The following EFCAB6 variants were observed in gnomAD, a reference collection of about 807,000 sequenced individuals.
The protein encoded by EFCAB6 is EF-hand calcium-binding domain-containing protein 6.
EFCAB6 carries 156 observed loss-of-function variants against 169.8 expected under a neutral mutation model. The observed-to-expected ratio is 0.92, with a 90% CI of 0.81 to 1.05. EFCAB6 has a LOEUF of 1.05. Among genes scored for constraint, EFCAB6 ranks in the 50% least tolerant of loss-of-function variants. The pLI is 0.00. For missense variants in EFCAB6, 1,800 were observed against 1,829.1 expected (o/e 0.98, Z 0.29); for synonymous variants, 698 against 676.4 (o/e 1.03, Z -0.50).
intron 2 of EFCAB6, among the ~76,000 whole-genome samples, chr22:43,797,909 T>C (rs1212100018): frequency 6.6e-6 from 1 of 152,208 alleles, no homozygotes; most frequent in Non-Finnish European, 1.5e-5. Context: ...TCACCTGCTG[T>C]AACCTCTACT....
At chr22:43,662,790 T>C (rs1483392596) in intron 17 of EFCAB6, among the ~76,000 whole-genome samples, 1 of 152,200 alleles carries the variant, frequency 6.6e-6, no homozygotes, top group Non-Finnish European at 1.5e-5. Context: ...TACTCCAGAA[T>C]TACACCTGGT....
rs1603298644 is a variant in EFCAB6 at position 43,735,827 on chromosome 22, C to CG, written c.644+29_644+30insC. 5.0e-6 allele frequency: 8 copies of CG among 1,608,738 alleles called. No individual in the cohort carries two copies. The East Asian group carries it at 1.8e-4, about 36-fold the overall frequency. ...GAAATTGGTTAAAAGTTCTACTGAG[C>CG]AATCTCTCACCGTGCCTTCATTTGC... On this transcript the variant is annotated intron_variant, in intron 7 of 31. Coordinates refer to ENST00000262726, the MANE Select transcript of EFCAB6 (RefSeq NM_022785.4).
At chr22:43,640,621 C>A (rs187033198) in intron 17 of EFCAB6, among the ~76,000 whole-genome samples, 1 of 152,252 alleles carries the variant, frequency 6.6e-6, no homozygotes, top group East Asian at 1.9e-4. Flanking sequence ...GTTCTTCAAG[C>A]CAGAAAGGCT....
intron 15 of EFCAB6, among the ~76,000 whole-genome samples, chr22:43,670,716 G>C (rs923816600): frequency 2.0e-5 from 3 of 152,198 alleles, no homozygotes; most frequent in African/African-American, 7.2e-5. Context: ...GAACAAACCA[G>C]AACAACGCCT....
intron 3 of EFCAB6, among the ~76,000 whole-genome samples, chr22:43,780,959 T>C (rs1285363740): frequency 1.3e-5 from 2 of 152,242 alleles, no homozygotes; most frequent in Non-Finnish European, 2.9e-5. Flanking sequence ...CAGTGCTTTG[T>C]AAGTGCGTCT....
At chr22:43,588,466 T>C (rs145078503) in intron 24 of EFCAB6, among the ~76,000 whole-genome samples, 92 of 151,628 alleles carry the variant, frequency 6.1e-4, no homozygotes, top group African/African-American at 2.0e-3. Flanking sequence ...GAAATATAAG[T>C]ATGGTAGCAG....
intron 26 of EFCAB6, among the ~76,000 whole-genome samples, chr22:43,566,828 G>C (rs2049467795): frequency 6.8e-6 from 1 of 147,890 alleles, no homozygotes; most frequent in African/African-American, 2.6e-5. Flanking sequence ...CCCACCCAGG[G>C]AGGCAAGCAA....
At chr22:43,737,751 A>G (rs544158558) in intron 6 of EFCAB6, among the ~76,000 whole-genome samples, 1 of 151,668 alleles carries the variant, frequency 6.6e-6, no homozygotes, top group South Asian at 2.1e-4. Flanking sequence ...ATGCACAGAT[A>G]CAGGCATACA....
intron 10 of EFCAB6, among the ~76,000 whole-genome samples, chr22:43,701,728 A>AG (rs2058774753): frequency 9.2e-6 from 1 of 108,894 alleles, no homozygotes. Context: ...TTTAAACAAT[A>AG]AAAAAAAAAA....
At chr22:43,616,731 C>T (rs2053714521) in intron 20 of EFCAB6, among the ~76,000 whole-genome samples, 1 of 152,120 alleles carries the variant, frequency 6.6e-6, no homozygotes, top group South Asian at 2.1e-4. Flanking sequence ...AAAAAAAGAC[C>T]CTTTGCTCAC....
chr22:43,754,013 T>C (rs1445125729), intron 6 of EFCAB6, among the ~76,000 whole-genome samples: 1 of 152,190 alleles, frequency 6.6e-6, no homozygotes, highest in Non-Finnish European at 1.5e-5. Flanking sequence ...TGTGTGACCG[T>C]TAGAAGGGTC....
chr22:43,666,393 C>T (rs1433860508), intron 17 of EFCAB6, among the ~76,000 whole-genome samples: 1 of 152,162 alleles, frequency 6.6e-6, no homozygotes, highest in African/African-American at 2.4e-5. Flanking sequence ...GTGGGGCAGG[C>T]ACCGGATGAA....
At chr22:43,539,089 G>A (rs994649717) in intron 28 of EFCAB6, among the ~76,000 whole-genome samples, 4 of 152,078 alleles carry the variant, frequency 2.6e-5, no homozygotes, top group Non-Finnish European at 5.9e-5. Context: ...TCTGCCTCTG[G>A]ATTCCCAGTT....
intron 10 of EFCAB6, 78 bp from the exon 11 acceptor site, chr22:43,687,659 T>A: frequency 1.3e-6 from 1 of 779,298 alleles, no homozygotes; most frequent in African/African-American, 1.8e-5. Flanking sequence ...GTACTTAATG[T>A]TGAATTGAAA....
At position 43,639,385 on chromosome 22, in the gene EFCAB6, CTT is replaced by C. The variant is rs1421522092; in HGVS notation, c.1984-4171_1984-4170del. Among the ~76,000 whole-genome samples the C allele has an allele frequency of 2.0e-5, 3 of 152,304 alleles. No homozygotes were observed. The South Asian group carries it at 6.2e-4, about 32-fold the overall frequency. ...TCATCACCTTCATTCTTGAAGGAGA[CTT>C]TGGCTGGGTATAAAATTCTGGGTTG... On this transcript the variant is annotated intron_variant, in intron 17 of 31. Transcript: ENST00000262726.
chr22:43,642,187 C>T (rs1471471528), intron 17 of EFCAB6, among the ~76,000 whole-genome samples: 1 of 152,088 alleles, frequency 6.6e-6, no homozygotes, highest in African/African-American at 2.4e-5. Flanking sequence ...GTTATCCACC[C>T]GCCTCGCCCT....
At chr22:43,810,757 G>A (rs2063083764) in intron 1 of EFCAB6, among the ~76,000 whole-genome samples, 1 of 152,138 alleles carries the variant, frequency 6.6e-6, no homozygotes, top group Non-Finnish European at 1.5e-5. Context: ...CATGAACCAA[G>A]CATTAAAATA....
At chr22:43,606,499 C>T (rs1317612368) in intron 22 of EFCAB6, among the ~76,000 whole-genome samples, 5 of 152,236 alleles carry the variant, frequency 3.3e-5, no homozygotes, top group Non-Finnish European at 5.9e-5. Context: ...CTTAATATGA[C>T]TCCTTACCCA....
intron 3 of EFCAB6, among the ~76,000 whole-genome samples, chr22:43,778,171 C>T (rs2061697898): frequency 6.6e-6 from 1 of 152,198 alleles, no homozygotes; most frequent in Non-Finnish European, 1.5e-5. Flanking sequence ...TCGTTACAGA[C>T]AGGGTAGGAA....
Sources: gnomAD v4.1 joint callset for allele counts (sites outside exome capture counted in the v4.1 genomes callset) on GRCh38, gnomAD v4.1.1 for gene constraint, MANE v1.5 for transcripts, NCBI Gene and HGNC (gene_info 2026-07-23, HGNC 2026-07-21) for gene names.